PARD3: variants seen among roughly 807,000 people sequenced by gnomAD.
PARD3 encodes partitioning defective 3 homolog.
In PARD3, 75 loss-of-function variants were observed where a neutral mutation model predicts 155.4. The observed-to-expected ratio is 0.48, with a 90% CI of 0.40 to 0.58. PARD3 has a LOEUF of 0.58. PARD3 is among the 20% of genes least tolerant of loss of function. The probability of loss-of-function intolerance (pLI) is 0.00; values close to 1 mark genes in which losing one functional copy is unlikely to be tolerated. For synonymous variants in PARD3, 576 were observed against 610.5 expected (o/e 0.94, Z 0.83); for missense variants, 1,642 against 1,721.7 (o/e 0.95, Z 0.82).
intron 4 of PARD3, among the ~76,000 whole-genome samples, chr10:34,468,006 C>G (rs540562982): frequency 6.6e-6 from 1 of 152,182 alleles, no homozygotes; most frequent in East Asian, 1.9e-4. Flanking sequence ...TGACTGGCAG[C>G]ATTTCTAGGG....
chr10:34,718,765 C>A (rs2133707539), intron 1 of PARD3, among the ~76,000 whole-genome samples: 1 of 152,262 alleles, frequency 6.6e-6, no homozygotes, highest in Non-Finnish European at 1.5e-5. Flanking sequence ...GAGTTCGAGA[C>A]CAGCCTGACC....
At chr10:34,701,310 C>A (rs1047828949) in intron 1 of PARD3, among the ~76,000 whole-genome samples, 1 of 151,186 alleles carries the variant, frequency 6.6e-6, no homozygotes, top group African/African-American at 2.4e-5. Context: ...TGAAAGCCCA[C>A]TGAAACCACA....
At chr10:34,198,876 C>T (rs1374795325) in intron 22 of PARD3, among the ~76,000 whole-genome samples, 1 of 152,138 alleles carries the variant, frequency 6.6e-6, no homozygotes, top group Admixed American at 6.6e-5. Context: ...AGGAGCCCTG[C>T]TCCATTGTGG....
intron 2 of PARD3, among the ~76,000 whole-genome samples, chr10:34,657,357 C>T (rs1024065261): frequency 1.3e-5 from 2 of 152,110 alleles, no homozygotes; most frequent in African/African-American, 4.8e-5. Context: ...TTTGTATTGG[C>T]CTGAAATTCA....
chr10:34,327,024 T>G (rs1007999865), intron 19 of PARD3, among the ~76,000 whole-genome samples: 3 of 152,226 alleles, frequency 2.0e-5, no homozygotes, highest in African/African-American at 7.2e-5. Flanking sequence ...GCTTACAATT[T>G]CTGGCAACTT....
intron 2 of PARD3, among the ~76,000 whole-genome samples, chr10:34,587,425 A>G (rs1223543382): frequency 6.6e-6 from 1 of 152,136 alleles, no homozygotes; most frequent in Non-Finnish European, 1.5e-5. Flanking sequence ...ATAATCTTGT[A>G]TTATGATGAT....
intron 24 of PARD3, among the ~76,000 whole-genome samples, chr10:34,114,693 G>A (rs947462632): frequency 6.6e-6 from 1 of 152,172 alleles, no homozygotes; most frequent in Non-Finnish European, 1.5e-5. Context: ...TGGAGGGATT[G>A]AGTAGAGATG....
intron 1 of PARD3, among the ~76,000 whole-genome samples, chr10:34,778,783 C>CA (rs983724543): frequency 5.3e-5 from 8 of 151,028 alleles, no homozygotes; most frequent in Admixed American, 1.3e-4. Context: ...AAGAGCTTGC[C>CA]AAAAAAAAGA....
At chr10:34,761,683 G>T (rs756301505) in intron 1 of PARD3, among the ~76,000 whole-genome samples, 1 of 152,152 alleles carries the variant, frequency 6.6e-6, no homozygotes, top group Non-Finnish European at 1.5e-5. Flanking sequence ...TTACCCTGGA[G>T]AATCAATGTT....
At chr10:34,684,640 G>A (rs1480909223) in intron 2 of PARD3, among the ~76,000 whole-genome samples, 1 of 152,030 alleles carries the variant, frequency 6.6e-6, no homozygotes, top group Non-Finnish European at 1.5e-5. Flanking sequence ...CCTGCTGACT[G>A]GCCTCTGCCT....
intron 5 of PARD3, among the ~76,000 whole-genome samples, chr10:34,408,154 A>C (rs1844681276): frequency 6.6e-6 from 1 of 152,118 alleles, no homozygotes; most frequent in South Asian, 2.1e-4. Flanking sequence ...AAAAACTTAA[A>C]GTTATACTTC....
chr10:34,277,767 A>C (rs1955958093), intron 21 of PARD3, among the ~76,000 whole-genome samples: 1 of 152,210 alleles, frequency 6.6e-6, no homozygotes, highest in African/African-American at 2.4e-5. Flanking sequence ...AAAAGAAAGC[A>C]TTAACAGGGA....
At chr10:34,604,812 C>G (rs2090088602) in intron 2 of PARD3, among the ~76,000 whole-genome samples, 2 of 151,876 alleles carry the variant, frequency 1.3e-5, no homozygotes, top group African/African-American at 2.4e-5. Context: ...GACAAAGTCA[C>G]TGATAAATTT....
Position 34,119,708 on chromosome 10 carries a change from T to C in PARD3, c.3573A>G (p.Arg1191=), listed in dbSNP as rs11009651. The part of the protein sequence containing the change: ...PNARPATQSG[R]HSVSVEVQMQ... Reference sequence around the variant, plus strand: ...TCTGCACCTCCACGGACACCGAGTGTCGCCCGCTCTGCGTCGCCGGCCGTG... The same window carrying C: ...TCTGCACCTCCACGGACACCGAGTGCCGCCCGCTCTGCGTCGCCGGCCGTG... The change falls in exon 24 of 25, where the codon CGA becomes CGG. Residue 1191 remains arginine (R), a synonymous_variant. Transcript: ENST00000374788. The C allele has an allele frequency of 0.25, 404,974 of 1,611,624 alleles. 54,002 individuals carry two copies. Among genetic ancestry groups the C allele is most frequent in the African/African-American group, 0.33 (24,802 of 74,948 alleles).
chr10:34,310,006 T>C (rs1957621312), intron 20 of PARD3, among the ~76,000 whole-genome samples: 1 of 151,988 alleles, frequency 6.6e-6, no homozygotes, highest in African/African-American at 2.4e-5. Flanking sequence ...AATTGGCTAT[T>C]ATTAAACATA....
chr10:34,716,614 C>CA (rs2094525850), intron 1 of PARD3, among the ~76,000 whole-genome samples: 1 of 83,004 alleles, frequency 1.2e-5, no homozygotes, highest in Non-Finnish European at 2.4e-5. Flanking sequence ...TTTTTTGAGA[C>CA]AGAGTTTTGC....
At chr10:34,268,058 G>GT (rs1230988519) in intron 22 of PARD3, among the ~76,000 whole-genome samples, 1 of 152,264 alleles carries the variant, frequency 6.6e-6, no homozygotes, top group East Asian at 1.9e-4. Context: ...AATAACATGC[G>GT]TATGTCTGAT....
Position 34,227,848 on chromosome 10 carries a change from A to G in PARD3, c.3419+41809T>C, listed in dbSNP as rs1369881122. On this transcript the variant is annotated intron_variant, in intron 22 of 24. Coordinates refer to ENST00000374788, the MANE Select transcript of PARD3 (RefSeq NM_001184785.2). Reference sequence around the variant, plus strand: ...TATATATATATTCCCAGTAATGGGAATTATTTTTTATATATATATATATAT... The same window carrying G: ...TATATATATATTCCCAGTAATGGGAGTTATTTTTTATATATATATATATAT... Among the ~76,000 whole-genome samples, 6 of 84,352 alleles carry G rather than the reference A, an allele frequency of 7.1e-5. No homozygotes were observed. In the South Asian group the frequency reaches 2.5e-3, roughly 35 times the overall value. The allele number at this position is 84,352 out of a possible 152,430, so 55.3% of individuals were successfully genotyped here. A position where few individuals can be genotyped will look rare whatever the true frequency, so the allele number is the denominator to read the frequency against.
chr10:34,777,487 C>A (rs2134141428), intron 1 of PARD3, among the ~76,000 whole-genome samples: 1 of 152,310 alleles, frequency 6.6e-6, no homozygotes, highest in East Asian at 1.9e-4. Context: ...TCTTAGAGGG[C>A]ATCCTCACAG....
Sources: gnomAD v4.1 joint callset for allele counts (sites outside exome capture counted in the v4.1 genomes callset) on GRCh38, gnomAD v4.1.1 for gene constraint, MANE v1.5 for transcripts, NCBI Gene and HGNC (gene_info 2026-07-23, HGNC 2026-07-21) for gene names.